CTDSPL: variants seen among roughly 807,000 people sequenced by gnomAD.
CTDSPL encodes the protein CTD small phosphatase like, also known as CTD small phosphatase-like protein.
A neutral mutation model predicts 30.5 loss-of-function variants in CTDSPL; 8 were observed. The ratio of observed to expected loss-of-function variants is 0.26; its 90% CI spans 0.15 to 0.47. The LOEUF (loss-of-function observed/expected upper bound fraction) is 0.47. CTDSPL is among the 20% of genes least tolerant of loss of function. The pLI, the probability that CTDSPL is intolerant of heterozygous loss-of-function variation, is 0.99. For synonymous variants in CTDSPL, 110 were observed against 137.9 expected (o/e 0.80, Z 1.42); for missense variants, 248 against 366.1 (o/e 0.68, Z 2.63).
chr3:37,949,955 G>A (rs889172931), intron 2 of CTDSPL, among the ~76,000 whole-genome samples: 3 of 152,240 alleles, frequency 2.0e-5, no homozygotes, highest in Admixed American at 6.5e-5. Context: ...AAATGCTTAC[G>A]TGTCCCTGAG....
intron 1 of CTDSPL, among the ~76,000 whole-genome samples, chr3:37,880,012 G>C (rs1316653261): frequency 6.6e-6 from 1 of 151,194 alleles, no homozygotes; most frequent in Non-Finnish European, 1.5e-5. Context: ...ATAAGACCTT[G>C]CCGTTGTATT....
At chr3:37,917,815 T>C (rs2125608683) in intron 1 of CTDSPL, among the ~76,000 whole-genome samples, 1 of 152,316 alleles carries the variant, frequency 6.6e-6, no homozygotes, top group East Asian at 1.9e-4. Flanking sequence ...GAATAATATA[T>C]AAATAAATAA....
chr3:37,911,488 G>A (rs772737428), intron 1 of CTDSPL, among the ~76,000 whole-genome samples: 3 of 152,210 alleles, frequency 2.0e-5, no homozygotes, highest in East Asian at 1.9e-4. Flanking sequence ...AAGCAGAGCC[G>A]TGGAGCTTAC....
intron 1 of CTDSPL, among the ~76,000 whole-genome samples, chr3:37,923,105 G>C (rs1249739865): frequency 6.6e-6 from 1 of 152,228 alleles, no homozygotes; most frequent in Non-Finnish European, 1.5e-5. Context: ...GATCGTTCTA[G>C]GGGAGGAGAA....
intron 7 of CTDSPL, among the ~76,000 whole-genome samples, chr3:37,977,574 A>ATT (rs925724763): frequency 5.0e-5 from 7 of 140,276 alleles, no homozygotes; most frequent in South Asian, 4.5e-4. Flanking sequence ...ATTAGATTCG[A>ATT]TTTTTTTTTT....
At chr3:37,922,015 C>T (rs545083904) in intron 1 of CTDSPL, among the ~76,000 whole-genome samples, 6 of 152,186 alleles carry the variant, frequency 3.9e-5, no homozygotes, top group East Asian at 1.9e-4. Flanking sequence ...AGACAGATCA[C>T]GAGGTCAGGA....
chr3:37,883,458 A>T (rs988852102), intron 1 of CTDSPL, among the ~76,000 whole-genome samples: 4 of 152,218 alleles, frequency 2.6e-5, no homozygotes, highest in African/African-American at 9.6e-5. Context: ...TAACTAAAAC[A>T]TGGCATTTTT....
intron 1 of CTDSPL, among the ~76,000 whole-genome samples, chr3:37,896,778 A>G (rs145537411): frequency 3.4e-3 from 521 of 152,018 alleles, no homozygotes; most frequent in Non-Finnish European, 6.2e-3. Context: ...GGCTCAAGCA[A>G]TCCTCCCACC....
chr3:37,917,508 A>G (rs1183401684), intron 1 of CTDSPL, among the ~76,000 whole-genome samples: 5 of 152,236 alleles, frequency 3.3e-5, no homozygotes, highest in Admixed American at 6.5e-5. Flanking sequence ...TTATATCCCA[A>G]TATAGATGAA....
At chr3:37,977,095 A>C (rs1446383132) in intron 7 of CTDSPL, among the ~76,000 whole-genome samples, 1 of 152,264 alleles carries the variant, frequency 6.6e-6, no homozygotes, top group African/African-American at 2.4e-5. Flanking sequence ...TAAATACTCC[A>C]AATGTATTTC....
chr3:37,933,568 A>G (rs547971440), intron 1 of CTDSPL, among the ~76,000 whole-genome samples: 18 of 152,192 alleles, frequency 1.2e-4, no homozygotes, highest in African/African-American at 1.7e-4. Context: ...TAGTGCAGAG[A>G]TTGAGAGCAC....
At chr3:37,875,905 A>T (rs1241666734) in intron 1 of CTDSPL, among the ~76,000 whole-genome samples, 1 of 152,194 alleles carries the variant, frequency 6.6e-6, no homozygotes, top group East Asian at 1.9e-4. Context: ...TAGACCTTGT[A>T]TCACTACATA....
chr3:37,955,771 T>G (rs909595674), intron 2 of CTDSPL, among the ~76,000 whole-genome samples: 3 of 152,138 alleles, frequency 2.0e-5, no homozygotes, highest in Non-Finnish European at 2.9e-5. Context: ...TGAAATAATC[T>G]GTGCACTAAA....
At chr3:37,950,378 A>G (rs1037828485) in intron 2 of CTDSPL, among the ~76,000 whole-genome samples, 7 of 152,212 alleles carry the variant, frequency 4.6e-5, no homozygotes, top group African/African-American at 1.4e-4. Context: ...GGTAAAACTA[A>G]TGGAAGAGAT....
chr3:37,876,622 A>G (rs1166436522), intron 1 of CTDSPL, among the ~76,000 whole-genome samples: 1 of 152,212 alleles, frequency 6.6e-6, no homozygotes, highest in East Asian at 1.9e-4. Flanking sequence ...TCCTTGGTGA[A>G]GTGTTCAAAC....
intron 3 of CTDSPL, among the ~76,000 whole-genome samples, chr3:37,958,663 TAAAC>T (rs1699202291): frequency 6.6e-6 from 1 of 152,192 alleles, no homozygotes; most frequent in Non-Finnish European, 1.5e-5. Context: ...TGGAATAAGA[TAAAC>T]AAGAAGAAAA....
intron 1 of CTDSPL, among the ~76,000 whole-genome samples, chr3:37,891,955 T>C (rs572977731): frequency 7.9e-5 from 12 of 152,332 alleles, no homozygotes; most frequent in South Asian, 2.1e-4. Context: ...ACAATACATA[T>C]ATAATCATTT....
intron 1 of CTDSPL, among the ~76,000 whole-genome samples, chr3:37,935,534 A>G (rs1431006894): frequency 6.6e-6 from 1 of 152,196 alleles, no homozygotes; most frequent in East Asian, 1.9e-4. Flanking sequence ...CAGCCCTGCT[A>G]CTTAGAAGCT....
In CTDSPL at chr3:37,981,130, A is replaced by G. The variant is rs571852035; in HGVS notation, c.*263A>G. On this transcript the variant is annotated 3_prime_UTR_variant, in exon 8 of 8. Transcript: ENST00000273179. Reference sequence around the variant, plus strand: ...AACATACCAAAAAAGAAAAAAATAGAAAAAAAAAAAAAAAAAGCTTGATCT... The same window carrying G: ...AACATACCAAAAAAGAAAAAAATAGGAAAAAAAAAAAAAAAAGCTTGATCT... The G allele has an allele frequency of 3.7e-3, 531 of 142,026 alleles. 2 individuals are homozygous for G. Among genetic ancestry groups the G allele is most frequent in the African/African-American group, 0.014 (463 of 33,654 alleles). 8.8% of individuals were successfully genotyped at this position (142,026 alleles called of 1,614,324 possible). A position where few individuals can be genotyped will look rare whatever the true frequency, so the allele number is the denominator to read the frequency against.
Sources: gnomAD v4.1 joint callset for allele counts (sites outside exome capture counted in the v4.1 genomes callset) on GRCh38, gnomAD v4.1.1 for gene constraint, MANE v1.5 for transcripts, NCBI Gene and HGNC (gene_info 2026-07-23, HGNC 2026-07-21) for gene names.